The following CFAP126 variants were observed in gnomAD, a reference collection of about 807,000 sequenced individuals.
CFAP126 encodes cilia and flagella associated protein 126, also known as protein Flattop.
In CFAP126, 21 loss-of-function variants were observed where a neutral mutation model predicts 17.1. That is an observed-to-expected ratio of 1.23 (90% CI 0.87 to 1.77). The LOEUF is 1.77. Ranked by LOEUF, CFAP126 falls within the 40% of genes most tolerant of loss-of-function variation. CFAP126 has a pLI of 0.00. For missense variants in CFAP126, 174 were observed against 215.4 expected, an observed-to-expected ratio of 0.81 and a Z score of 1.20; for synonymous variants, 65 against 73.5, an observed-to-expected ratio of 0.88 and a Z score of 0.59.
intron 4 of CFAP126, 141 bp downstream of exon 4, chr1:161,365,385 T>C: frequency 9.5e-7 from 1 of 1,049,206 alleles, no homozygotes; most frequent in Non-Finnish European, 1.4e-6. Flanking sequence ...CCTCAGAAGG[T>C]GATTAAGGAC....
At position 161,366,469 on chromosome 1, in the gene CFAP126, C is replaced by G. The variant is rs748018219; in HGVS notation, c.60G>C (p.Gln20His). 1.9e-6 allele frequency: 3 copies of G among 1,613,978 alleles called. No homozygotes were observed. The highest frequency in any genetic ancestry group is 3.3e-5 in the Admixed American group (2 of 60,000). ...YEKAFSSKYL[Q>H]NWSPTKPTKE... ...TTGTTGGCTTAGTGGGAGACCAGTT[C>G]TGCAGATACTTGGATGAGAAAGCCT... is the stretch of plus-strand genomic sequence containing the variant. Residue 20 changes from glutamine to histidine, a missense_variant, in exon 2 of 5, where the codon CAG (glutamine) becomes CAC (histidine). Physicochemically the swap from Gln to His is conservative, Grantham distance 24 (BLOSUM62 0). Transcript: ENST00000367974.
rs569734709 is a variant in CFAP126 at position 161,365,156 on chromosome 1, A to C, written c.349-6T>G. The C allele has an allele frequency of 6.2e-7, 1 of 1,613,562 alleles. No homozygotes were observed. Among genetic ancestry groups the C allele is most frequent in the East Asian group, 2.2e-5 (1 of 44,884 alleles). On this transcript the variant is annotated splice_polypyrimidine_tract_variant and splice_region_variant and intron_variant, in intron 4 of 4. Coordinates refer to ENST00000367974, the MANE Select transcript of CFAP126 (RefSeq NM_001013625.4). ...TGACTGTCTGGATCATGGGGCTGTC[A>C]GTGATAAGAGTGGGAGAGATAGTCA... is the stretch of plus-strand genomic sequence containing the variant.
intron 1 of CFAP126, chr1:161,366,931 G>C (rs1361194913): frequency 5.5e-6 from 1 of 180,644 alleles, no homozygotes; most frequent in Non-Finnish European, 1.2e-5. Context: ...ATGCCACCAT[G>C]TCCAGCTAAT....
chr1:161,365,415 T>C, intron 4 of CFAP126, 111 bp downstream of exon 4: 3 of 1,300,662 alleles, frequency 2.3e-6, no homozygotes, highest in Non-Finnish European at 3.3e-6. Context: ...TAAGACAAAT[T>C]GGTTAGAGGT....
chr1:161,365,788 T>A lies in CFAP126; in HGVS notation c.172-86A>T, dbSNP rs1353841317. 1.4e-5 allele frequency: 17 copies of A among 1,190,350 alleles called. No homozygotes were observed. In the Admixed American group the frequency reaches 3.3e-4, roughly 23 times the overall value. The allele number at this position is 1,190,350 out of a possible 1,614,324, so 73.7% of individuals were successfully genotyped here. A position where few individuals can be genotyped will look rare whatever the true frequency, so the allele number is the denominator to read the frequency against. On this transcript the variant is annotated intron_variant, in intron 3 of 4. Coordinates refer to ENST00000367974, the MANE Select transcript of CFAP126 (RefSeq NM_001013625.4). ...CTGTATTATTTCCTTTCTTTACCTTTAGGAATGCATGGTTATGAAACAAGA... is the reference window on the plus strand; with the variant it reads ...CTGTATTATTTCCTTTCTTTACCTTAAGGAATGCATGGTTATGAAACAAGA...
Position 161,365,577 on chromosome 1 carries a change from A to G in CFAP126, c.297T>C (p.Asn99=), listed in dbSNP as rs769174967. 3 of 1,614,044 alleles carry G rather than the reference A, an allele frequency of 1.9e-6. No homozygotes were observed. In the South Asian group the frequency reaches 3.3e-5, roughly 18 times the overall value. Residue 99 remains asparagine, a synonymous_variant, in exon 4 of 5, where the codon AAT becomes AAC. Transcript: ENST00000367974. ...CATTGGAGGCCTTGAGTAAATCAGG[A>G]TTTTTCTGTATCCATTTGGTGAGGG... The part of the protein sequence containing the change: ...AASLTKWIQK[N]PDLLKASNGL...
At chr1:161,365,823 T>C in intron 3 of CFAP126, 121 bp from the exon 4 acceptor site, 4 of 972,612 alleles carry the variant, frequency 4.1e-6, no homozygotes, top group Non-Finnish European at 6.1e-6. Context: ...ACTGAAAGCA[T>C]AATCTTCCCA....
rs1672723516 is a variant in CFAP126, at chr1:161,366,188, A to G, written c.171+10T>C. 3 of 1,589,182 alleles carry G rather than the reference A, an allele frequency of 1.9e-6. No homozygotes were observed. The highest frequency in any genetic ancestry group is 2.6e-6 in the Non-Finnish European group (3 of 1,157,252). On this transcript the variant is annotated intron_variant, in intron 3 of 4. Transcript: ENST00000367974. ...TGACTTTCTTGATAGGAGTGAAGAT[A>G]GTATCTCACCTTGGAACGGGGCACA...
intron 3 of CFAP126, 91 bp from the exon 4 acceptor site, chr1:161,365,793 A>G: frequency 8.7e-7 from 1 of 1,150,192 alleles, no homozygotes; most frequent in South Asian, 1.6e-5. Context: ...ACCTTTAGGA[A>G]TGCATGGTTA....
chr1:161,366,022 T>G (rs1211759576), intron 3 of CFAP126, 176 bp downstream of exon 3: 2 of 651,706 alleles, frequency 3.1e-6, no homozygotes, highest in African/African-American at 1.8e-5. Flanking sequence ...TGAAGGGTGC[T>G]AAACACAACT....
chr1:161,366,637 G>T, intron 1 of CFAP126, 136 bp from the exon 2 acceptor site: 1 of 798,854 alleles, frequency 1.3e-6, no homozygotes, highest in Non-Finnish European at 2.1e-6. Flanking sequence ...TATGACAAGG[G>T]TGTAATTTGT....
In CFAP126 at chr1:161,365,632, A is replaced by G. The variant is rs1672702716; in HGVS notation, c.242T>C (p.Leu81Pro). The change falls in exon 4 of 5, where the codon CTG becomes CCG. Residue 81 changes from leucine to proline, a missense_variant. Leu to Pro is a moderately conservative substitution (Grantham distance 98). Coordinates refer to ENST00000367974, the MANE Select transcript of CFAP126 (RefSeq NM_001013625.4). ...AGCACCAGCAGTTGTACGGGAGGTC[A>G]GGGTCACCCGAGCAGGGGGTATCTT... Reference protein sequence around the residue: ...PLKIPPARVTLTSRTTAGAAS... With the variant: ...PLKIPPARVTPTSRTTAGAAS... 3.1e-6 allele frequency: 5 copies of G among 1,613,968 alleles called. No individual in the cohort carries two copies. Among genetic ancestry groups the G allele is most frequent in the East Asian group, 2.2e-5 (1 of 44,900 alleles).
Position 161,367,860 on chromosome 1 carries a change from A to T in CFAP126, c.9T>A (p.Thr3=). The change falls in exon 1 of 5, where the codon ACT becomes ACA. Residue 3 remains threonine (T), a synonymous_variant. Transcript: ENST00000367974. ...AACTTACCTGGTTGGCACTGTAGTT[A>T]GTGGCCATGATCTTGTGCTGTTTAC... MA[T]NYSANQYEKA... is the part of the protein sequence containing the mutation. The T allele has an allele frequency of 1.2e-6, 2 of 1,614,086 alleles. No homozygotes were observed. The highest frequency in any genetic ancestry group is 2.2e-5 in the South Asian group (2 of 91,068).
Position 161,365,641 on chromosome 1 carries a change from C to A in CFAP126, c.233G>T (p.Arg78Leu), listed in dbSNP as rs149688361. ...AGTTGTACGGGAGGTCAGGGTCACC[C>A]GAGCAGGGGGTATCTTCAGAGGCAT... is the stretch of plus-strand genomic sequence containing the variant. ...WQMPLKIPPA[R>L]VTLTSRTTAG... Residue 78 changes from arginine to leucine, a missense_variant, in exon 4 of 5, where the codon CGG becomes CTG. Coordinates refer to ENST00000367974, the MANE Select transcript of CFAP126 (RefSeq NM_001013625.4). The A allele has an allele frequency of 1.9e-6, 3 of 1,613,644 alleles. No homozygotes were observed. The highest frequency in any genetic ancestry group is 1.1e-5 in the South Asian group (1 of 91,046).
intron 1 of CFAP126, 36 bp from the exon 2 acceptor site, chr1:161,366,537 C>G (rs1672737208): frequency 6.3e-7 from 1 of 1,582,634 alleles, no homozygotes; most frequent in African/African-American, 1.3e-5. Flanking sequence ...TATGAGACTT[C>G]AAGGCCCCAA....
chr1:161,367,667 AAG>A, intron 1 of CFAP126, 173 bp downstream of exon 1: 1 of 515,274 alleles, frequency 1.9e-6, no homozygotes, highest in Non-Finnish European at 3.3e-6. Flanking sequence ...AAATTTAACC[AAG>A]AGATACCTTT....
At position 161,365,670 on chromosome 1, in the gene CFAP126, C is replaced by G; in HGVS notation, c.204G>C (p.Trp68Cys). 6.2e-7 allele frequency: 1 copy of G among 1,603,700 alleles called. No homozygotes were observed. The highest frequency in any genetic ancestry group is 1.7e-5 in the Admixed American group (1 of 57,758). ...CAGGGGGTATCTTCAGAGGCATTTG[C>G]CAGGTGCCCATGAAGGAACCCCAAG... ...ANPWGSFMGT[W>C]QMPLKIPPAR... The change falls in exon 4 of 5, where the codon TGG becomes TGC. Residue 68 changes from tryptophan to cysteine, a missense_variant. Coordinates refer to ENST00000367974, the MANE Select transcript of CFAP126 (RefSeq NM_001013625.4).
At chr1:161,367,475 C>G (rs1175847947) in intron 1 of CFAP126, 2 of 198,838 alleles carry the variant, frequency 1.0e-5, no homozygotes, top group African/African-American at 4.6e-5. Context: ...ATTAGTAGTA[C>G]AAAAAATTGT....
At chr1:161,367,629 A>T (rs1672777618) in intron 1 of CFAP126, 1 of 420,984 alleles carries the variant, frequency 2.4e-6, no homozygotes, top group Non-Finnish European at 4.2e-6. Flanking sequence ...ACAGAAAAAA[A>T]ATTGCCAACT....
Sources: allele counts gnomAD v4.1 joint callset, GRCh38; gene constraint gnomAD v4.1.1; transcripts MANE v1.5; gene names NCBI Gene and HGNC (gene_info 2026-07-23, HGNC 2026-07-21).